Variants in SFMBT1 observed in about 807,000 individuals in gnomAD.
SFMBT1 encodes the protein scm-like with four MBT domains protein 1.
SFMBT1 carries 32 observed loss-of-function variants against 108.7 expected under a neutral mutation model. The observed-to-expected ratio is 0.29, with a 90% CI of 0.22 to 0.40. The LOEUF (loss-of-function observed/expected upper bound fraction) is 0.40. SFMBT1 is among the 10% of genes least tolerant of loss of function. The probability of loss-of-function intolerance (pLI) is 1.00; values close to 1 mark genes in which losing one functional copy is unlikely to be tolerated. For missense variants in SFMBT1, 816 were observed against 1,059.6 expected, an observed-to-expected ratio of 0.77 and a Z score of 3.19; for synonymous variants, 348 against 369.5, an observed-to-expected ratio of 0.94 and a Z score of 0.67.
intron 4 of SFMBT1, among the ~76,000 whole-genome samples, chr3:52,940,289 C>A (rs1703141046): frequency 6.6e-6 from 1 of 152,170 alleles, no homozygotes; most frequent in Non-Finnish European, 1.5e-5. Flanking sequence ...CCATTCTTCA[C>A]TAAAAGAAAA....
At chr3:52,971,976 C>G (rs1483929262) in intron 1 of SFMBT1, among the ~76,000 whole-genome samples, 1 of 152,214 alleles carries the variant, frequency 6.6e-6, no homozygotes, top group African/African-American at 2.4e-5. Context: ...TGAGGACTGC[C>G]TACGTGCTGG....
chr3:53,043,217 C>A (rs1328790812), intron 1 of SFMBT1: 2 of 151,882 alleles, frequency 1.3e-5, no homozygotes, highest in African/African-American at 4.8e-5. Flanking sequence ...ATTGTTGCAG[C>A]ATTTGCTTCA....
In SFMBT1 at chr3:53,045,986, G is replaced by C. The variant is rs1298705988; in HGVS notation, c.-301C>G. On this transcript the variant is annotated 5_prime_UTR_variant, in exon 1 of 21. Coordinates refer to ENST00000394752, the MANE Select transcript of SFMBT1 (RefSeq NM_016329.4). ...TCCTTCCTGCTGGGTTCGGCGGAGCGGGGCGGCCGGCAGCTCTCCCCGCCC... is the reference window on the plus strand; with the variant it reads ...TCCTTCCTGCTGGGTTCGGCGGAGCCGGGCGGCCGGCAGCTCTCCCCGCCC... 6.6e-6 allele frequency: 1 copy of C among 151,126 alleles called. No individual in the cohort carries two copies. Among genetic ancestry groups the C allele is most frequent in the Non-Finnish European group, 1.5e-5 (1 of 67,712 alleles). 9.4% of individuals were successfully genotyped at this position (151,126 alleles called of 1,614,324 possible).
intron 1 of SFMBT1, among the ~76,000 whole-genome samples, chr3:53,034,505 A>C (rs1464522283): frequency 6.6e-6 from 1 of 152,052 alleles, no homozygotes. Flanking sequence ...CACTTGAACC[A>C]GGAGGCGGAG....
At chr3:52,960,826 T>C (rs184174274) in intron 2 of SFMBT1, among the ~76,000 whole-genome samples, 31 of 152,328 alleles carry the variant, frequency 2.0e-4, no homozygotes, top group Non-Finnish European at 3.7e-4. Context: ...AATGGAATAT[T>C]ATTTAGCCTT....
intron 11 of SFMBT1, among the ~76,000 whole-genome samples, chr3:52,920,867 G>C (rs1276238155): frequency 1.3e-5 from 2 of 152,138 alleles, no homozygotes; most frequent in Admixed American, 6.5e-5. Flanking sequence ...AAAATGGGTA[G>C]AGAATATACA....
In SFMBT1 at chr3:52,912,616, T is replaced by G; in HGVS notation, c.1652A>C (p.Lys551Thr). The G allele has an allele frequency of 1.2e-6, 2 of 1,614,066 alleles. No individual in the cohort carries two copies. The highest frequency in any genetic ancestry group is 1.7e-6 in the Non-Finnish European group (2 of 1,179,972). ...GAGCTCCCGAAGGACACGGCTGGGT[T>G]TGTAGGCTGCATTGATAAGTAAAGT... ...VLTLLINAAY[K>T]PSRVLRELQL... The change falls in exon 16 of 21, where the codon AAA (lysine) becomes ACA (threonine). Residue 551 changes from lysine to threonine, a missense_variant. Coordinates refer to ENST00000394752, the MANE Select transcript of SFMBT1 (RefSeq NM_016329.4).
intron 2 of SFMBT1, among the ~76,000 whole-genome samples, chr3:52,961,209 A>C (rs1278517718): frequency 3.9e-5 from 6 of 152,208 alleles, no homozygotes; most frequent in Non-Finnish European, 8.8e-5. Context: ...AGCCCGTCAC[A>C]AAAGACAAAT....
chr3:52,982,223 A>G (rs945840259), intron 1 of SFMBT1, among the ~76,000 whole-genome samples: 2 of 152,204 alleles, frequency 1.3e-5, no homozygotes, highest in Non-Finnish European at 2.9e-5. Context: ...CCCTGATAGA[A>G]CATCATGAAA....
intron 1 of SFMBT1, among the ~76,000 whole-genome samples, chr3:53,034,672 C>T (rs1699807938): frequency 6.6e-6 from 1 of 152,084 alleles, no homozygotes; most frequent in South Asian, 2.1e-4. Context: ...CATAGTGGCT[C>T]ATGCCTATAA....
intron 1 of SFMBT1, among the ~76,000 whole-genome samples, chr3:52,999,585 C>A (rs1033280676): frequency 6.7e-6 from 1 of 150,338 alleles, no homozygotes; most frequent in Non-Finnish European, 1.5e-5. Context: ...TATGTTCAAA[C>A]GCTCCAGAAG....
In SFMBT1 at chr3:52,969,106, T is replaced by C; in HGVS notation, c.23A>G (p.Asp8Gly). 6.2e-7 allele frequency: 1 copy of C among 1,614,060 alleles called. No individual in the cohort carries two copies. Among genetic ancestry groups the C allele is most frequent in the Non-Finnish European group, 8.5e-7 (1 of 1,179,986 alleles). The change falls in exon 2 of 21, where the codon GAT becomes GGT. Residue 8 changes from aspartate to glycine, a missense_variant. Physicochemically the swap from Asp to Gly is moderately conservative, Grantham distance 94 (BLOSUM62 -1). Coordinates refer to ENST00000394752, the MANE Select transcript of SFMBT1 (RefSeq NM_016329.4). MNGEQQLDADAGSGMEEV... is the reference protein window; with the variant it reads MNGEQQLGADAGSGMEEV... Reference sequence around the variant, plus strand: ...TCTGAGAATAAAACCAATACCTGCATCAAGCTGCTGCTCCCCGTTCATTTC... The same window carrying C: ...TCTGAGAATAAAACCAATACCTGCACCAAGCTGCTGCTCCCCGTTCATTTC...
At chr3:52,910,945 C>G in intron 17 of SFMBT1, 58 bp downstream of exon 17, 2 of 1,560,856 alleles carry the variant, frequency 1.3e-6, no homozygotes, top group Non-Finnish European at 1.8e-6. Flanking sequence ...AAAAAACTTT[C>G]CAAGATGTAA....
rs574347408 is a variant in SFMBT1 at position 52,903,861 on chromosome 3, A to T, written c.*1275T>A. The T allele has an allele frequency of 6.6e-6, 1 of 152,352 alleles. No homozygotes were observed. Among genetic ancestry groups the T allele is most frequent in the South Asian group, 2.1e-4 (1 of 4,826 alleles). The allele number at this position is 152,352 out of a possible 1,614,324, so 9.4% of individuals were successfully genotyped here. On this transcript the variant is annotated 3_prime_UTR_variant, in exon 21 of 21. Coordinates refer to ENST00000394752, the MANE Select transcript of SFMBT1 (RefSeq NM_016329.4). The stretch of plus-strand genomic sequence containing the variant: ...TTCATGTTAACTTGAGCTGGGCTAA[A>T]AGACACACTTAAAAGAATACTGAGT...
chr3:52,907,562 G>C lies in SFMBT1; in HGVS notation c.2078C>G (p.Ser693Cys). 6.2e-7 allele frequency: 1 copy of C among 1,612,942 alleles called. No homozygotes were observed. The highest frequency in any genetic ancestry group is 8.5e-7 in the Non-Finnish European group (1 of 1,179,570). ...ACATCACAGATCTCATACCTGGGGA[G>C]AGCCCGCTGGGGTATTATCAACAGA... ...SASVDNTPAGSPQGSGGEDED... is the reference protein window; with the variant it reads ...SASVDNTPAGCPQGSGGEDED... Residue 693 changes from serine to cysteine, a missense_variant, in exon 18 of 21, where the codon TCT (serine) becomes TGT (cysteine). Physicochemically the swap from Ser to Cys is moderately radical, Grantham distance 112 (BLOSUM62 -1). This residue lies in a region of SFMBT1 where 177 missense variants were observed against 182.0 expected (regional missense o/e 0.97). Coordinates refer to ENST00000394752, the MANE Select transcript of SFMBT1 (RefSeq NM_016329.4).
intron 10 of SFMBT1, among the ~76,000 whole-genome samples, chr3:52,925,457 A>C (rs965737130): frequency 6.6e-6 from 1 of 152,258 alleles, no homozygotes; most frequent in African/African-American, 2.4e-5. Context: ...AATAAAGTCA[A>C]AGTTTTTAAA....
chr3:52,916,380 A>T (rs537606926), intron 13 of SFMBT1, among the ~76,000 whole-genome samples, 166 bp from the exon 14 acceptor site: 14 of 142,778 alleles, frequency 9.8e-5, no homozygotes, highest in African/African-American at 3.5e-4. Flanking sequence ...TTTTTTTTTT[A>T]AAAGAACAAG....
chr3:52,912,622 G>T lies in SFMBT1; in HGVS notation c.1646C>A (p.Ala549Asp). 6.2e-7 allele frequency: 1 copy of T among 1,614,000 alleles called. No individual in the cohort carries two copies. The highest frequency in any genetic ancestry group is 8.5e-7 in the Non-Finnish European group (1 of 1,179,940). ...CCGAAGGACACGGCTGGGTTTGTAG[G>T]CTGCATTGATAAGTAAAGTGAGGAC... ...REVLTLLINA[A>D]YKPSRVLREL... is the part of the protein sequence containing the mutation. The change falls in exon 16 of 21, where the codon GCC becomes GAC. Residue 549 changes from alanine to aspartate, a missense_variant. Physicochemically the swap from Ala to Asp is moderately radical, Grantham distance 126. Around this residue, in one of 5 missense-constraint regions of SFMBT1, gnomAD observed 79 missense variants for 120.8 expected, o/e 0.65. Coordinates refer to ENST00000394752, the MANE Select transcript of SFMBT1 (RefSeq NM_016329.4).
chr3:52,938,473 CCT>C (rs1261254235), intron 4 of SFMBT1, among the ~76,000 whole-genome samples: 9 of 151,864 alleles, frequency 5.9e-5, no homozygotes, highest in Non-Finnish European at 1.3e-4. Context: ...CACTTTTAGT[CCT>C]CTCTATTTTT....
Sources: gnomAD v4.1 joint callset for allele counts (sites outside exome capture counted in the v4.1 genomes callset) on GRCh38, gnomAD v4.1.1 for gene constraint, gnomAD v4.1.1 regional missense constraint, MANE v1.5 for transcripts, NCBI Gene and HGNC (gene_info 2026-07-23, HGNC 2026-07-21) for gene names.